The following POU6F2 variants were observed in gnomAD, a reference collection of about 807,000 sequenced individuals.
POU6F2 encodes the protein POU domain, class 6, transcription factor 2.
In POU6F2, 31 loss-of-function variants were observed where a neutral mutation model predicts 71.3. That is an observed-to-expected ratio of 0.43 (90% CI 0.33 to 0.59). The LOEUF is 0.59. Ranked by LOEUF, POU6F2 falls within the 20% of genes least tolerant of loss-of-function variation. The pLI is 0.04. For missense variants in POU6F2, 783 were observed against 856.8 expected (o/e 0.91, Z 1.07); for synonymous variants, 347 against 355.7 (o/e 0.98, Z 0.27).
intron 2 of POU6F2, among the ~76,000 whole-genome samples, chr7:39,110,048 A>G (rs2128725364): frequency 6.6e-6 from 1 of 152,270 alleles, no homozygotes; most frequent in South Asian, 2.1e-4. Context: ...AGGAGGGCGG[A>G]TCACCTGAGG....
chr7:39,380,292 G>T (rs1786800208), intron 5 of POU6F2, among the ~76,000 whole-genome samples: 1 of 152,152 alleles, frequency 6.6e-6, no homozygotes. Context: ...TTTAACCTCA[G>T]TTTTTTCACC....
At chr7:39,146,235 G>A (rs1792624194) in intron 2 of POU6F2, among the ~76,000 whole-genome samples, 1 of 152,222 alleles carries the variant, frequency 6.6e-6, no homozygotes, top group South Asian at 2.1e-4. Flanking sequence ...GGGTGGGCAT[G>A]GTAGTGGTGG....
chr7:39,464,485 C>T lies in POU6F2; in HGVS notation c.1962C>T (p.His654=), dbSNP rs760198113. Residue 654 remains histidine (H), a synonymous_variant, in exon 10 of 10, where the codon CAC becomes CAT. Transcript: ENST00000518318. The surrounding 1 kb of genome is among the most constrained non-coding windows in gnomAD (Gnocchi z 4.1). ...TPQALEILNA[H]FEKNTHPSGQ... is the part of the protein sequence containing the mutation. Reference sequence around the variant, plus strand: ...AGGCCCTTGAGATCCTCAATGCCCACTTTGAGAAGAACACACACCCTTCTG... The same window carrying T: ...AGGCCCTTGAGATCCTCAATGCCCATTTTGAGAAGAACACACACCCTTCTG... 1 of 1,613,888 alleles carries T rather than the reference C, an allele frequency of 6.2e-7. No homozygotes were observed. The highest frequency in any genetic ancestry group is 8.5e-7 in the Non-Finnish European group (1 of 1,179,842).
At chr7:39,091,921 TA>T (rs1278472630) in intron 2 of POU6F2, among the ~76,000 whole-genome samples, 26 of 152,344 alleles carry the variant, frequency 1.7e-4, no homozygotes, top group African/African-American at 6.3e-4. Flanking sequence ...CTTGCTGGTT[TA>T]TATTTGGGGA....
intron 5 of POU6F2, among the ~76,000 whole-genome samples, chr7:39,377,434 A>G (rs1311460568): frequency 6.6e-6 from 1 of 152,162 alleles, no homozygotes; most frequent in African/African-American, 2.4e-5. Context: ...CACGGCCTAT[A>G]ATTATATTTT....
intron 4 of POU6F2, among the ~76,000 whole-genome samples, chr7:39,255,792 TAA>T: frequency 6.6e-6 from 1 of 152,308 alleles, no homozygotes; most frequent in East Asian, 1.9e-4. Flanking sequence ...ACTTCATTTT[TAA>T]AAGTCTGTGT....
intron 2 of POU6F2, among the ~76,000 whole-genome samples, chr7:39,174,743 C>T (rs937980536): frequency 6.6e-6 from 1 of 152,118 alleles, no homozygotes; most frequent in Non-Finnish European, 1.5e-5. Context: ...TTCTTACAAC[C>T]ACTCAAGTCC....
chr7:39,193,560 G>A (rs145454762), intron 2 of POU6F2, among the ~76,000 whole-genome samples: 90 of 152,306 alleles, frequency 5.9e-4, no homozygotes, highest in African/African-American at 2.1e-3. Flanking sequence ...GTGACCACAC[G>A]TGAATTACTT....
At chr7:39,447,365 C>A (rs543504607) in intron 7 of POU6F2, among the ~76,000 whole-genome samples, 1 of 152,292 alleles carries the variant, frequency 6.6e-6, no homozygotes, top group South Asian at 2.1e-4. Flanking sequence ...TGCTGTTTCC[C>A]TGACCTGTAA....
intron 1 of POU6F2, among the ~76,000 whole-genome samples, chr7:38,994,864 C>T (rs1788694197): frequency 6.6e-6 from 1 of 152,084 alleles, no homozygotes; most frequent in Admixed American, 6.6e-5. Context: ...TTCTGCTCAC[C>T]CACCCACTAA....
At chr7:39,436,937 A>G (rs991033229) in intron 7 of POU6F2, among the ~76,000 whole-genome samples, 1 of 152,174 alleles carries the variant, frequency 6.6e-6, no homozygotes, top group African/African-American at 2.4e-5. Context: ...ATTCATTTGC[A>G]TATGTTGAAC....
At chr7:39,333,978 A>G (rs1393673174) in intron 4 of POU6F2, among the ~76,000 whole-genome samples, 1 of 152,202 alleles carries the variant, frequency 6.6e-6, no homozygotes, top group African/African-American at 2.4e-5. Context: ...ATTCTGGTCC[A>G]CAATTTGAGA....
chr7:39,092,122 T>A (rs1562702872), intron 2 of POU6F2, among the ~76,000 whole-genome samples: 4 of 152,224 alleles, frequency 2.6e-5, no homozygotes, highest in African/African-American at 9.7e-5. Context: ...CTTGATTTTT[T>A]ATGCTAAAGA....
intron 5 of POU6F2, among the ~76,000 whole-genome samples, chr7:39,353,874 G>A (rs929054531): frequency 6.6e-6 from 1 of 152,154 alleles, no homozygotes; most frequent in African/African-American, 2.4e-5. Context: ...TAGTCACACC[G>A]ATTAAAATGA....
At chr7:39,414,007 C>T (rs1251618831) in intron 6 of POU6F2, among the ~76,000 whole-genome samples, 2 of 152,180 alleles carry the variant, frequency 1.3e-5, no homozygotes, top group Admixed American at 6.5e-5. Flanking sequence ...AGCCGTCTCG[C>T]GTGGGACCCA....
rs112659737 is a variant in POU6F2, at chr7:39,161,283, G to A, written c.278-42952G>A. On this transcript the variant is annotated intron_variant, in intron 2 of 9. Transcript: ENST00000518318. ...GGTTTAATACCTTCCACTTCATGTA[G>A]TACTTTATCTTTTCAGAAAAACATT... Among the ~76,000 whole-genome samples the A allele has an allele frequency of 1.9e-3, 294 of 152,202 alleles. 4 individuals carry two copies. Among genetic ancestry groups the A allele is most frequent in the Non-Finnish European group, 1.8e-3 (121 of 68,018 alleles).
chr7:39,227,073 T>G (rs1471835298), intron 4 of POU6F2, among the ~76,000 whole-genome samples: 3 of 152,198 alleles, frequency 2.0e-5, no homozygotes, highest in Non-Finnish European at 4.4e-5. Context: ...AATTTCAAAA[T>G]CCATTTTCTG....
intron 4 of POU6F2, among the ~76,000 whole-genome samples, chr7:39,222,902 TA>T (rs1351500403): frequency 6.6e-6 from 1 of 152,224 alleles, no homozygotes; most frequent in Non-Finnish European, 1.5e-5. Flanking sequence ...GTTTGGGGTA[TA>T]TACCCAGAAG....
chr7:39,052,825 G>A (rs1790423994), intron 1 of POU6F2, among the ~76,000 whole-genome samples: 1 of 152,060 alleles, frequency 6.6e-6, no homozygotes, highest in South Asian at 2.1e-4. Context: ...AGTATTTATG[G>A]GGTGCTCAGT....
Sources: gnomAD v4.1 joint callset for allele counts (sites outside exome capture counted in the v4.1 genomes callset) on GRCh38, gnomAD v4.1.1 for gene constraint, Gnocchi (gnomAD v3.1) non-coding constraint, MANE v1.5 for transcripts, NCBI Gene and HGNC (gene_info 2026-07-23, HGNC 2026-07-21) for gene names.